The following PRORP variants were observed in gnomAD, a reference collection of about 807,000 sequenced individuals.
PRORP encodes the protein mitochondrial ribonuclease P catalytic subunit.
PRORP carries 51 observed loss-of-function variants against 59.4 expected under a neutral mutation model. The ratio of observed to expected loss-of-function variants is 0.86; its 90% CI spans 0.69 to 1.08. The LOEUF (loss-of-function observed/expected upper bound fraction) is 1.08. Ranked by LOEUF, PRORP falls within the 50% of genes least tolerant of loss-of-function variation. The pLI is 0.00. For synonymous variants in PRORP, 231 were observed against 245.6 expected, an observed-to-expected ratio of 0.94 and a Z score of 0.55; for missense variants, 646 against 690.3, an observed-to-expected ratio of 0.94 and a Z score of 0.72.
At chr14:35,234,624 C>G (rs149388511) in intron 5 of PRORP, among the ~76,000 whole-genome samples, 9 of 151,216 alleles carry the variant, frequency 6.0e-5, no homozygotes, top group African/African-American at 2.2e-4. Context: ...TTTTAGACTT[C>G]AAATGTGATT....
chr14:35,175,406 T>G (rs2048423178), intron 4 of PRORP, among the ~76,000 whole-genome samples: 1 of 151,960 alleles, frequency 6.6e-6, no homozygotes, highest in Non-Finnish European at 1.5e-5. Flanking sequence ...CAGCACCTGT[T>G]GTTTCCTGAC....
At chr14:35,134,540 C>T (rs2047326676) in intron 4 of PRORP, among the ~76,000 whole-genome samples, 1 of 152,200 alleles carries the variant, frequency 6.6e-6, no homozygotes, top group Non-Finnish European at 1.5e-5. Context: ...CCCTTCAAGG[C>T]AGTGAGTTCC....
At chr14:35,148,911 ATTTTTTTT>A (rs1186320988) in intron 4 of PRORP, among the ~76,000 whole-genome samples, 9 of 82,832 alleles carry the variant, frequency 1.1e-4, no homozygotes, top group Admixed American at 6.6e-4. Flanking sequence ...GCACTTTTTA[ATTTTTTTT>A]TTTTTTTTTT....
intron 5 of PRORP, among the ~76,000 whole-genome samples, chr14:35,264,003 C>T (rs1017767621): frequency 2.6e-5 from 4 of 151,720 alleles, no homozygotes; most frequent in African/African-American, 4.8e-5. Context: ...TGCAGTGGTA[C>T]GATTGTAGCT....
chr14:35,157,294 A>G (rs908455050), intron 4 of PRORP, among the ~76,000 whole-genome samples: 2 of 152,040 alleles, frequency 1.3e-5, no homozygotes, highest in African/African-American at 4.8e-5. Context: ...CCTATCCTAA[A>G]CATGGGCCAG....
At chr14:35,222,202 G>A (rs181393473) in intron 5 of PRORP, 18 of 152,244 alleles carry the variant, frequency 1.2e-4, no homozygotes, top group African/African-American at 3.9e-4. Flanking sequence ...CTCACTAAAA[G>A]TAAGCACCAG....
Position 35,275,515 on chromosome 14 carries a change from A to AC in PRORP, c.*1950dup, listed in dbSNP as rs1371568182. 7 of 152,208 alleles carry AC rather than the reference A, an allele frequency of 4.6e-5. No homozygotes were observed. Among genetic ancestry groups the AC allele is most frequent in the African/African-American group, 1.4e-4 (6 of 41,458 alleles). The allele number at this position is 152,208 out of a possible 1,614,324, so 9.4% of individuals were successfully genotyped here. On this transcript the variant is annotated 3_prime_UTR_variant, in exon 8 of 8. Coordinates refer to ENST00000534898, the MANE Select transcript of PRORP (RefSeq NM_014672.4). ...TCTGCTTATTTTCCAAATTTCATAA[A>AC]CTACATACTTAGGAAACTGTGCTTT...
At chr14:35,143,263 G>A (rs1263531119) in intron 4 of PRORP, among the ~76,000 whole-genome samples, 2 of 144,716 alleles carry the variant, frequency 1.4e-5, no homozygotes, top group African/African-American at 4.9e-5. Flanking sequence ...AGGTTCAAGC[G>A]ATTCTCCTGC....
At chr14:35,262,973 C>A in intron 5 of PRORP, 1 of 1,598,768 alleles carries the variant, frequency 6.3e-7, no homozygotes. Context: ...ACAAGGATAT[C>A]AGGAAATTTT....
In PRORP at chr14:35,123,429, A is replaced by G. The variant is rs1452482810; in HGVS notation, c.184A>G (p.Ile62Val). 1.2e-5 allele frequency: 19 copies of G among 1,614,196 alleles called. No individual in the cohort carries two copies. The highest frequency in any genetic ancestry group is 1.6e-5 in the Non-Finnish European group (19 of 1,180,032). ...SPQNTKATNLIAKARYLRKDE... is the reference protein window; with the variant it reads ...SPQNTKATNLVAKARYLRKDE... ...ACAGAATACCAAAGCAACGAATCTGATTGCCAAGGCCAGATATCTCAGGAA... is the reference window on the plus strand; with the variant it reads ...ACAGAATACCAAAGCAACGAATCTGGTTGCCAAGGCCAGATATCTCAGGAA... Residue 62 changes from isoleucine (I) to valine (V), a missense_variant, in exon 2 of 8, where the codon ATT becomes GTT. Ile to Val is a conservative substitution (Grantham distance 29). Transcript: ENST00000534898.
At chr14:35,233,719 T>C (rs2050138641) in intron 5 of PRORP, among the ~76,000 whole-genome samples, 1 of 152,200 alleles carries the variant, frequency 6.6e-6, no homozygotes, top group Non-Finnish European at 1.5e-5. Context: ...CCTTTTTTTT[T>C]CCCTGCACAG....
chr14:35,183,220 A>C (rs1235591300), intron 5 of PRORP, among the ~76,000 whole-genome samples: 1 of 124,610 alleles, frequency 8.0e-6, no homozygotes, highest in Non-Finnish European at 1.8e-5. Flanking sequence ...ACATACATAC[A>C]TACACACACA....
chr14:35,204,082 A>G (rs2049229128), intron 5 of PRORP, among the ~76,000 whole-genome samples: 1 of 152,232 alleles, frequency 6.6e-6, no homozygotes, highest in African/African-American at 2.4e-5. Context: ...TCTGGCAACC[A>G]CAAAAAACTT....
intron 5 of PRORP, 125 bp from the exon 6 acceptor site, chr14:35,266,602 G>C: frequency 1.0e-6 from 1 of 963,050 alleles, no homozygotes; most frequent in East Asian, 2.4e-5. Context: ...AATTATTGTG[G>C]ATTGTTTTCT....
At chr14:35,144,034 G>A (rs2047548294) in intron 4 of PRORP, 1 of 148,078 alleles carries the variant, frequency 6.8e-6, no homozygotes, top group African/African-American at 2.4e-5. Flanking sequence ...GGTTATCCCA[G>A]TTTTACTGGC....
At chr14:35,268,329 A>G (rs1171956531) in intron 6 of PRORP, among the ~76,000 whole-genome samples, 1 of 126,220 alleles carries the variant, frequency 7.9e-6, no homozygotes, top group African/African-American at 3.1e-5. Flanking sequence ...TGGGTTACGG[A>G]GTGAGACTGT....
In PRORP at chr14:35,265,963, G is replaced by A. The variant is rs369340332; in HGVS notation, c.1276-764G>A. ...CGCCAAGGCAGGAGAATTTCTTGAG[G>A]CCAGAAGTTCAAGACCAGCCTGGGC... On this transcript the variant is annotated intron_variant, in intron 5 of 7. Transcript: ENST00000534898. Among the ~76,000 whole-genome samples, 19 of 149,612 alleles carry A rather than the reference G, an allele frequency of 1.3e-4. No individual in the cohort carries two copies. In the East Asian group the frequency reaches 3.6e-3, roughly 28 times the overall value.
chr14:35,246,006 ATAT>A (rs2050473216), intron 5 of PRORP, among the ~76,000 whole-genome samples: 1 of 152,166 alleles, frequency 6.6e-6, no homozygotes, highest in South Asian at 2.1e-4. Flanking sequence ...GTTAGAAATA[ATAT>A]TATTTCAGAA....
At chr14:35,149,208 C>T (rs1054460797) in intron 4 of PRORP, among the ~76,000 whole-genome samples, 7 of 151,602 alleles carry the variant, frequency 4.6e-5, no homozygotes, top group South Asian at 2.1e-4. Context: ...CGTGAGCCAC[C>T]GCGCCCGGCC....
Sources: gnomAD v4.1 joint callset for allele counts (sites outside exome capture counted in the v4.1 genomes callset) on GRCh38, gnomAD v4.1.1 for gene constraint, MANE v1.5 for transcripts, NCBI Gene and HGNC (gene_info 2026-07-23, HGNC 2026-07-21) for gene names.